DAB1: variants seen among roughly 807,000 people sequenced by gnomAD.
DAB1 encodes the protein DAB adaptor protein 1, also known as disabled homolog 1.
DAB1 carries 15 observed loss-of-function variants against 64.6 expected under a neutral mutation model. That is an observed-to-expected ratio of 0.23 (90% CI 0.16 to 0.36). The LOEUF is 0.36. Among genes scored for constraint, DAB1 ranks in the 10% least tolerant of loss-of-function variants. The pLI, the probability that DAB1 is intolerant of heterozygous loss-of-function variation, is 1.00. For synonymous variants in DAB1, 235 were observed against 251.9 expected, an observed-to-expected ratio of 0.93 and a Z score of 0.64; for missense variants, 596 against 706.7, an observed-to-expected ratio of 0.84 and a Z score of 1.78.
At chr1:58,114,501 T>C (rs760574461) in intron 5 of DAB1, among the ~76,000 whole-genome samples, 1 of 152,168 alleles carries the variant, frequency 6.6e-6, no homozygotes, top group Non-Finnish European at 1.5e-5. Context: ...AACATGGAGA[T>C]GGATGTACAA....
chr1:57,247,870 T>C (rs1333565991), intron 2 of DAB1, among the ~76,000 whole-genome samples: 1 of 152,206 alleles, frequency 6.6e-6, no homozygotes, highest in Non-Finnish European at 1.5e-5. Flanking sequence ...AAGCTACTTG[T>C]AGAAAATGGC....
chr1:57,433,477 C>T (rs1685584673), intron 7 of DAB1, among the ~76,000 whole-genome samples: 1 of 151,878 alleles, frequency 6.6e-6, no homozygotes, highest in Non-Finnish European at 1.5e-5. Flanking sequence ...ACTGCATAAA[C>T]ATATGGGAAA....
intron 2 of DAB1, among the ~76,000 whole-genome samples, chr1:57,161,435 T>C (rs1046819135): frequency 5.9e-5 from 9 of 152,090 alleles, no homozygotes; most frequent in African/African-American, 1.9e-4. Context: ...AGCAGGGTGA[T>C]CACCCATCCA....
chr1:58,510,083 C>G (rs1056221013), intron 2 of DAB1, among the ~76,000 whole-genome samples: 1 of 152,106 alleles, frequency 6.6e-6, no homozygotes, highest in Non-Finnish European at 1.5e-5. Context: ...GTCAATGACT[C>G]TCAAAGTCTT....
At chr1:57,271,485 C>T (rs1400135420) in intron 2 of DAB1, among the ~76,000 whole-genome samples, 1 of 152,178 alleles carries the variant, frequency 6.6e-6, no homozygotes, top group East Asian at 1.9e-4. Flanking sequence ...CCTGTAAAGA[C>T]TTACTGAACA....
At chr1:57,195,933 G>A (rs1219144541) in intron 2 of DAB1, among the ~76,000 whole-genome samples, 1 of 152,100 alleles carries the variant, frequency 6.6e-6, no homozygotes, top group East Asian at 1.9e-4. Flanking sequence ...ACTCAAATAA[G>A]CCAGAGAAAA....
At chr1:57,960,493 T>TAA (rs34447871) in intron 5 of DAB1, among the ~76,000 whole-genome samples, 109 of 139,576 alleles carry the variant, frequency 7.8e-4, no homozygotes, top group African/African-American at 1.7e-3. Context: ...GGAACCAAAT[T>TAA]AAAAAAAAAA....
intron 5 of DAB1, among the ~76,000 whole-genome samples, chr1:58,138,876 C>T (rs975065919): frequency 4.0e-5 from 6 of 151,782 alleles, no homozygotes; most frequent in African/African-American, 1.2e-4. Context: ...TGAGTGAGAA[C>T]TAAAAAAATT....
At chr1:58,108,724 A>C (rs1157930560) in intron 5 of DAB1, among the ~76,000 whole-genome samples, 1 of 152,202 alleles carries the variant, frequency 6.6e-6, no homozygotes, top group Non-Finnish European at 1.5e-5. Flanking sequence ...TAATTAAAAA[A>C]ATTTCAATTC....
intron 2 of DAB1, among the ~76,000 whole-genome samples, chr1:57,175,650 G>A (rs546131711): frequency 1.0e-3 from 158 of 152,112 alleles, no homozygotes; most frequent in African/African-American, 3.7e-3. Flanking sequence ...GAAATAATAG[G>A]GCTATAAAAT....
intron 2 of DAB1, among the ~76,000 whole-genome samples, chr1:57,264,011 G>A (rs1411559069): frequency 6.6e-6 from 1 of 152,070 alleles, no homozygotes; most frequent in East Asian, 1.9e-4. Flanking sequence ...GGTATGGAAG[G>A]ATGGCCTCTT....
chr1:57,065,338 C>T (rs937638200), intron 8 of DAB1, among the ~76,000 whole-genome samples: 1 of 152,130 alleles, frequency 6.6e-6, no homozygotes, highest in African/African-American at 2.4e-5. Flanking sequence ...ATCACGCGTT[C>T]CCTGGGACAG....
chr1:57,941,762 A>G (rs1403379669), intron 5 of DAB1, among the ~76,000 whole-genome samples: 6 of 152,138 alleles, frequency 3.9e-5, no homozygotes, highest in Non-Finnish European at 2.9e-5. Context: ...GTGAATCCAG[A>G]AGGCGGAGGT....
chr1:57,304,144 T>C lies in DAB1; in HGVS notation c.-136-12978A>G, dbSNP rs116784572. On this transcript the variant is annotated intron_variant, in intron 1 of 14. Coordinates refer to ENST00000371236, the MANE Select transcript of DAB1 (RefSeq NM_001365792.1). ...GGAGGCTTCAGGGAGCTTTTACTCA[T>C]AGCAGAAGGGAAGGTAAAGCAGGAG... Among the ~76,000 whole-genome samples the C allele has an allele frequency of 3.6e-3, 541 of 152,268 alleles. 2 individuals carry two copies. Among genetic ancestry groups the C allele is most frequent in the African/African-American group, 0.012 (515 of 41,544 alleles).
chr1:58,102,768 T>G (rs1200487950), intron 5 of DAB1, among the ~76,000 whole-genome samples: 1 of 152,234 alleles, frequency 6.6e-6, no homozygotes, highest in Admixed American at 6.5e-5. Flanking sequence ...TTGGTAAGTA[T>G]CATTCAAAGC....
chr1:58,273,622 T>TTC (rs1436073888), intron 4 of DAB1, among the ~76,000 whole-genome samples: 1 of 49,314 alleles, frequency 2.0e-5, no homozygotes, highest in Non-Finnish European at 4.2e-5. Context: ...CTTGGTTCCA[T>TTC]TCTCCCCATC....
intron 3 of DAB1, among the ~76,000 whole-genome samples, chr1:58,399,983 C>T (rs1557749596): frequency 6.6e-6 from 1 of 151,874 alleles, no homozygotes; most frequent in Non-Finnish European, 1.5e-5. Context: ...CCAGCTCAAG[C>T]TAGCAAAAGC....
chr1:58,511,912 T>C (rs763749749), intron 2 of DAB1, among the ~76,000 whole-genome samples: 5 of 151,908 alleles, frequency 3.3e-5, no homozygotes, highest in Non-Finnish European at 7.4e-5. Flanking sequence ...AAGGCAAAAA[T>C]AGACAGGTGG....
chr1:58,450,458 G>A (rs1350280516), intron 3 of DAB1, among the ~76,000 whole-genome samples: 1 of 152,128 alleles, frequency 6.6e-6, no homozygotes, highest in African/African-American at 2.4e-5. Context: ...CCAAAAAACA[G>A]AATACGGAAA....
Sources: gnomAD v4.1 joint callset for allele counts (sites outside exome capture counted in the v4.1 genomes callset) on GRCh38, gnomAD v4.1.1 for gene constraint, MANE v1.5 for transcripts, NCBI Gene and HGNC (gene_info 2026-07-23, HGNC 2026-07-21) for gene names.